ADAM17: variants seen among roughly 807,000 people sequenced by gnomAD.
The protein encoded by ADAM17 is ADAM metallopeptidase domain 17.
ADAM17 carries 39 observed loss-of-function variants against 96.7 expected under a neutral mutation model. The ratio of observed to expected loss-of-function variants is 0.40; its 90% CI spans 0.31 to 0.53. ADAM17 has a LOEUF of 0.53. ADAM17 is among the 20% of genes least tolerant of loss of function. ADAM17 has a pLI of 0.44. For synonymous variants in ADAM17, 344 were observed against 359.2 expected, an observed-to-expected ratio of 0.96 and a Z score of 0.48; for missense variants, 777 against 1,013.2, an observed-to-expected ratio of 0.77 and a Z score of 3.17.
intron 2 of ADAM17, among the ~76,000 whole-genome samples, chr2:9,541,172 T>C (rs372125329): frequency 1.3e-5 from 2 of 152,222 alleles, no homozygotes; most frequent in African/African-American, 2.4e-5. Context: ...TACAATTCTA[T>C]GCAATAGGAA....
chr2:9,501,871 A>G (rs190136518), intron 13 of ADAM17, among the ~76,000 whole-genome samples: 6 of 152,284 alleles, frequency 3.9e-5, no homozygotes. Context: ...AAAAACACAT[A>G]CATGCACAAA....
At chr2:9,523,102 T>C in intron 7 of ADAM17, 147 bp downstream of exon 7, 1 of 605,614 alleles carries the variant, frequency 1.7e-6, no homozygotes, top group Non-Finnish European at 2.8e-6. Flanking sequence ...TCAAAAATAC[T>C]GCACAATTCA....
chr2:9,501,687 A>G (rs1658632209), intron 13 of ADAM17, among the ~76,000 whole-genome samples: 1 of 152,192 alleles, frequency 6.6e-6, no homozygotes, highest in South Asian at 2.1e-4. Flanking sequence ...TAGATTCATG[A>G]TAACATTCAT....
At chr2:9,536,589 A>G (rs1664969753) in intron 3 of ADAM17, 109 bp downstream of exon 3, 4 of 1,441,300 alleles carry the variant, frequency 2.8e-6, no homozygotes, top group Non-Finnish European at 3.7e-6. Context: ...TAGCACTTCT[A>G]TGACACCCCG....
intron 14 of ADAM17, among the ~76,000 whole-genome samples, chr2:9,495,300 A>G (rs1447671826): frequency 2.0e-5 from 3 of 152,276 alleles, no homozygotes; most frequent in Admixed American, 6.5e-5. Flanking sequence ...ACAGGATAAA[A>G]CACCGGGCAT....
chr2:9,517,751 T>C (rs1664117030), intron 10 of ADAM17, 150 bp downstream of exon 10: 9 of 525,984 alleles, frequency 1.7e-5, no homozygotes, highest in Non-Finnish European at 2.8e-5. Context: ...AATTTTCATA[T>C]ATCCCACAAA....
At chr2:9,518,278 A>AAAAAC in intron 8 of ADAM17, 31 bp from the exon 9 acceptor site, 1 of 1,507,506 alleles carries the variant, frequency 6.6e-7, no homozygotes, top group Non-Finnish European at 8.8e-7. Context: ...AAAAAAAAAA[A>AAAAAC]AAAGCATTCT....
At chr2:9,545,976 T>C (rs1665391421) in intron 1 of ADAM17, among the ~76,000 whole-genome samples, 1 of 151,670 alleles carries the variant, frequency 6.6e-6, no homozygotes, top group Non-Finnish European at 1.5e-5. Flanking sequence ...CATGTGCTTG[T>C]AGTCTCAGCT....
rs764622550 is a variant in ADAM17 at position 9,555,567 on chromosome 2, A to G, written c.39T>C (p.Pro13=). ...QSLLFLTSVV[P]FVLAPRPPDD... is the part of the protein sequence containing the mutation. ...CCGGAGGTCGCGGCGCCAGCACGAA[A>G]GGAACCACGCTGGTCAGGAATAGGA... The change falls in exon 1 of 19, where the codon CCT becomes CCC. Residue 13 remains proline (P), a synonymous_variant. Transcript: ENST00000310823. The G allele has an allele frequency of 6.2e-7, 1 of 1,601,646 alleles. No homozygotes were observed. Among genetic ancestry groups the G allele is most frequent in the Non-Finnish European group, 8.5e-7 (1 of 1,174,058 alleles).
At chr2:9,514,222 G>A (rs1311224148) in intron 10 of ADAM17, among the ~76,000 whole-genome samples, 2 of 151,304 alleles carry the variant, frequency 1.3e-5, no homozygotes, top group Non-Finnish European at 2.9e-5. Flanking sequence ...CATGGATGAA[G>A]CTGGAAACCA....
intron 8 of ADAM17, among the ~76,000 whole-genome samples, chr2:9,518,581 G>A (rs1664175387): frequency 6.6e-6 from 1 of 152,140 alleles, no homozygotes; most frequent in South Asian, 2.1e-4. Context: ...GCTCCAATTC[G>A]ATAAGGGGAT....
At chr2:9,504,763 GA>G (rs55649546) in intron 12 of ADAM17, among the ~76,000 whole-genome samples, 50,926 of 117,660 alleles carry the variant, frequency 0.43, 9,705 homozygotes, top group Middle Eastern at 0.64. Flanking sequence ...TCTGTCTCAG[GA>G]AAAAAAAAAA....
intron 1 of ADAM17, among the ~76,000 whole-genome samples, chr2:9,554,757 A>G (rs755538945): frequency 2.0e-5 from 3 of 152,210 alleles, no homozygotes; most frequent in African/African-American, 4.8e-5. Flanking sequence ...TTAAAATCCA[A>G]TCTCTCTGGA....
chr2:9,490,939 A>G (rs1425308378), intron 18 of ADAM17, among the ~76,000 whole-genome samples, 162 bp downstream of exon 18: 2 of 152,196 alleles, frequency 1.3e-5, no homozygotes, highest in African/African-American at 4.8e-5. Flanking sequence ...GAAGTTCACC[A>G]TCACTGTTGT....
At chr2:9,519,563 C>T (rs1206086138) in intron 8 of ADAM17, among the ~76,000 whole-genome samples, 1 of 152,116 alleles carries the variant, frequency 6.6e-6, no homozygotes, top group Admixed American at 6.5e-5. Context: ...TGCCACCCCA[C>T]AATTCAAATG....
intron 4 of ADAM17, among the ~76,000 whole-genome samples, chr2:9,535,112 G>A (rs1664908575): frequency 6.6e-6 from 1 of 152,104 alleles, no homozygotes; most frequent in Admixed American, 6.6e-5. Context: ...AGTATATATA[G>A]CTCCAGCAGA....
At chr2:9,498,774 T>A (rs1406005577) in intron 13 of ADAM17, among the ~76,000 whole-genome samples, 2 of 152,240 alleles carry the variant, frequency 1.3e-5, no homozygotes, top group Non-Finnish European at 2.9e-5. Context: ...TGTGGATCAT[T>A]ATTGTATTTT....
intron 1 of ADAM17, among the ~76,000 whole-genome samples, chr2:9,546,677 G>A (rs956234848): frequency 6.6e-6 from 1 of 150,756 alleles, no homozygotes; most frequent in Non-Finnish European, 1.5e-5. Flanking sequence ...ACCAGACACT[G>A]CCGCACTGTC....
At chr2:9,516,682 G>T (rs1664075388) in intron 10 of ADAM17, among the ~76,000 whole-genome samples, 1 of 152,102 alleles carries the variant, frequency 6.6e-6, no homozygotes, top group South Asian at 2.1e-4. Context: ...GAACCCAGAA[G>T]GCAGAGGTTA....
Sources: gnomAD v4.1 joint callset for allele counts (sites outside exome capture counted in the v4.1 genomes callset) on GRCh38, gnomAD v4.1.1 for gene constraint, MANE v1.5 for transcripts, NCBI Gene and HGNC (gene_info 2026-07-23, HGNC 2026-07-21) for gene names.